The following SCN7A variants were observed in gnomAD, a reference collection of about 807,000 sequenced individuals.
SCN7A encodes the protein sodium channel protein type 7 subunit alpha.
SCN7A carries 138 observed loss-of-function variants against 155.2 expected under a neutral mutation model. That is an observed-to-expected ratio of 0.89 (90% CI 0.77 to 1.02). The LOEUF (loss-of-function observed/expected upper bound fraction) is 1.02, where lower values mean the gene tolerates loss of function less well. Ranked by LOEUF, SCN7A falls within the 50% of genes least tolerant of loss-of-function variation. The pLI, the probability that SCN7A is intolerant of heterozygous loss-of-function variation, is 0.00. For synonymous variants in SCN7A, 693 were observed against 649.0 expected, an observed-to-expected ratio of 1.07 and a Z score of -1.03; for missense variants, 2,058 against 1,986.6, an observed-to-expected ratio of 1.04 and a Z score of -0.68.
At chr2:166,481,960 G>T (rs1219703654) in intron 2 of SCN7A, among the ~76,000 whole-genome samples, 1 of 152,100 alleles carries the variant, frequency 6.6e-6, no homozygotes, top group Non-Finnish European at 1.5e-5. Flanking sequence ...AAATGAAATG[G>T]GTTGGTTTGG....
chr2:166,470,306 C>G (rs957925840), intron 7 of SCN7A, among the ~76,000 whole-genome samples: 1 of 151,780 alleles, frequency 6.6e-6, no homozygotes, highest in African/African-American at 2.4e-5. Context: ...ACCACTATTT[C>G]TCTCAGAAGT....
Position 166,432,630 on chromosome 2 carries a change from G to T in SCN7A, c.2280C>A (p.Asn760Lys). 1 of 1,611,500 alleles carries T rather than the reference G, an allele frequency of 6.2e-7. No homozygotes were observed. Among genetic ancestry groups the T allele is most frequent in the Non-Finnish European group, 8.5e-7 (1 of 1,179,150 alleles). The change falls in exon 16 of 26, where the codon AAC becomes AAA. Residue 760 changes from asparagine (N) to lysine (K), a missense_variant. By Grantham distance (94) the Asn-to-Lys change is moderately conservative (BLOSUM62 0). Coordinates refer to ENST00000643258, the MANE Select transcript of SCN7A (RefSeq NM_002976.4). ...LAVARIKKGI[N>K]YVLLKILCKT... ...TGCATAGTATTTTAAGAAGCACATA[G>T]TTTATTCCTTTTTTAATTCTTGCCA... is the stretch of plus-strand genomic sequence containing the variant.
intron 20 of SCN7A, 59 bp from the exon 21 acceptor site, chr2:166,417,044 G>T: frequency 7.6e-7 from 1 of 1,317,528 alleles, no homozygotes; most frequent in Non-Finnish European, 1.0e-6. Context: ...TTTAGTTTTT[G>T]ATCAGTTTGA....
chr2:166,424,686 A>G (rs561692399), intron 18 of SCN7A, among the ~76,000 whole-genome samples: 30 of 152,022 alleles, frequency 2.0e-4, no homozygotes, highest in Non-Finnish European at 3.8e-4. Context: ...GAAGATTTAG[A>G]AAAAAAAGCA....
rs1462663676 is a variant in SCN7A, at chr2:166,474,350, A to G, written c.235-6T>C. 7.5e-6 allele frequency: 10 copies of G among 1,330,344 alleles called. No individual in the cohort carries two copies. The highest frequency in any genetic ancestry group is 4.5e-4 in the Middle Eastern group (2 of 4,476). 82.4% of individuals were successfully genotyped at this position (1,330,344 alleles called of 1,614,324 possible). ...TTATTTAATACTATGAAAGTCTGTA[A>G]GAAGAAAAGCGATCAAGTGAAATTA... On this transcript the variant is annotated splice_region_variant and splice_polypyrimidine_tract_variant and intron_variant, in intron 3 of 25. Coordinates refer to ENST00000643258, the MANE Select transcript of SCN7A (RefSeq NM_002976.4).
chr2:166,434,338 G>C (rs1409433218), intron 15 of SCN7A, among the ~76,000 whole-genome samples: 1 of 152,064 alleles, frequency 6.6e-6, no homozygotes, highest in African/African-American at 2.4e-5. Flanking sequence ...CTTATCCATA[G>C]TTTTAGCATA....
rs1321495546 is a variant in SCN7A at position 166,465,695 on chromosome 2, T to A, written c.871+86A>T. On this transcript the variant is annotated intron_variant, in intron 8 of 25. Coordinates refer to ENST00000643258, the MANE Select transcript of SCN7A (RefSeq NM_002976.4). ...CAGCGCCTTTGGGAATCTAACAAAA[T>A]GTTGAGTGTTCAACATTTCTGGGAA... The A allele has an allele frequency of 1.1e-5, 16 of 1,431,936 alleles. No homozygotes were observed. The Admixed American group carries it at 1.6e-4, about 14-fold the overall frequency. The allele number at this position is 1,431,936 out of a possible 1,614,324, so 88.7% of individuals were successfully genotyped here. A position where few individuals can be genotyped will look rare whatever the true frequency, so the allele number is the denominator to read the frequency against.
At position 166,472,379 on chromosome 2, in the gene SCN7A, T is replaced by C. The variant is rs767350994; in HGVS notation, c.510A>G (p.Ala170=). Residue 170 remains alanine, a synonymous_variant, in exon 6 of 26, where the codon GCA becomes GCG. Transcript: ENST00000643258. Reference sequence around the variant, plus strand: ...GATCACCGAGGAAGGAAAATGATCCTGCCCAGACACCTCTTGCAAAGAGTT... The same window carrying C: ...GATCACCGAGGAAGGAAAATGATCCCGCCCAGACACCTCTTGCAAAGAGTT... ...LVKLFARGVW[A]GSFSFLGDPW... The C allele has an allele frequency of 6.2e-7, 1 of 1,608,810 alleles. No individual in the cohort carries two copies. Among genetic ancestry groups the C allele is most frequent in the Non-Finnish European group, 8.5e-7 (1 of 1,176,700 alleles).
At position 166,457,492 on chromosome 2, in the gene SCN7A, A is replaced by AT. The variant is rs112201996; in HGVS notation, c.1084-417dup. On this transcript the variant is annotated intron_variant, in intron 10 of 25. Transcript: ENST00000643258. The stretch of plus-strand genomic sequence containing the variant: ...TAATGAAGTCAGAGAATGTTTGGAG[A>AT]TTTTTTTTTTCTGATTATTACTTTA... Among the ~76,000 whole-genome samples, 317 of 151,268 alleles carry AT rather than the reference A, an allele frequency of 2.1e-3. 1 individual carries two copies. Among genetic ancestry groups the AT allele is most frequent in the African/African-American group, 7.3e-3 (301 of 41,236 alleles).
intron 25 of SCN7A, among the ~76,000 whole-genome samples, chr2:166,407,321 G>A (rs1022080319): frequency 6.6e-6 from 1 of 151,906 alleles, no homozygotes; most frequent in African/African-American, 2.4e-5. Context: ...ATTAACACAA[G>A]AACTATAAAA....
At chr2:166,491,754 G>A (rs1387445016) in intron 1 of SCN7A, among the ~76,000 whole-genome samples, 1 of 151,442 alleles carries the variant, frequency 6.6e-6, no homozygotes, top group Non-Finnish European at 1.5e-5. Context: ...AGTGGGGGTG[G>A]GGGTGGGCAG....
intron 15 of SCN7A, 109 bp downstream of exon 15, chr2:166,441,287 T>C (rs915160709): frequency 6.9e-6 from 5 of 727,118 alleles, no homozygotes; most frequent in African/African-American, 1.8e-5. Flanking sequence ...GGTTACTCTA[T>C]TGGACTACCA....
At position 166,409,829 on chromosome 2, in the gene SCN7A, T is replaced by C; in HGVS notation, c.3818A>G (p.Asp1273Gly). The C allele has an allele frequency of 6.4e-7, 1 of 1,572,324 alleles. No individual in the cohort carries two copies. The highest frequency in any genetic ancestry group is 1.2e-5 in the South Asian group (1 of 85,864). ...AATGGACATTTGTAGACTCTGAACATCAGTGTCTATCATCATGGCTATTGC... is the reference window on the plus strand; with the variant it reads ...AATGGACATTTGTAGACTCTGAACACCAGTGTCTATCATCATGGCTATTGC... ...FQAIAMMIDT[D>G]VQSLQMSIAL... The change falls in exon 25 of 26, where the codon GAT becomes GGT. Residue 1273 changes from aspartate to glycine, a missense_variant. Transcript: ENST00000643258.
In SCN7A at chr2:166,441,759, G is replaced by C; in HGVS notation, c.1801-7C>G. 3 of 1,578,116 alleles carry C rather than the reference G, an allele frequency of 1.9e-6. No individual in the cohort carries two copies. Among genetic ancestry groups the C allele is most frequent in the Non-Finnish European group, 2.6e-6 (3 of 1,163,196 alleles). ...CCAACTTGAAAATTCTTAACTAATA[G>C]AGCAATGTAAAATCAAGAACAAGAA... On this transcript the variant is annotated splice_region_variant and splice_polypyrimidine_tract_variant and intron_variant, in intron 14 of 25. Coordinates refer to ENST00000643258, the MANE Select transcript of SCN7A (RefSeq NM_002976.4).
At chr2:166,420,706 A>T (rs1701492854) in intron 20 of SCN7A, among the ~76,000 whole-genome samples, 1 of 152,046 alleles carries the variant, frequency 6.6e-6, no homozygotes, top group African/African-American at 2.4e-5. Context: ...AGTGATGAAG[A>T]CAGGAGAGGT....
chr2:166,432,669 AT>A lies in SCN7A; in HGVS notation c.2240del (p.Asn747IlefsTer13). 6.2e-7 allele frequency: 1 copy of A among 1,606,844 alleles called. No individual in the cohort carries two copies. The highest frequency in any genetic ancestry group is 8.5e-7 in the Non-Finnish European group (1 of 1,177,836). On this transcript the variant is annotated frameshift_variant, in exon 16 of 26. Transcript: ENST00000643258. LOFTEE classifies it high-confidence loss of function. ...TAATTCTTGCCACTGCAAGCTGGAGATTTTTTGCTTCATTATTCTCTTCAGC... is the reference window on the plus strand; with the variant it reads ...TAATTCTTGCCACTGCAAGCTGGAGATTTTTGCTTCATTATTCTCTTCAGC... Reference protein sequence around the residue: ...VTAEENNEAKNLQLAVARIKK... With the variant: ...VTAEENNEAKXLQLAVARIKK...
At chr2:166,432,205 A>G (rs1297284145) in intron 16 of SCN7A, 113 bp downstream of exon 16, 1 of 735,682 alleles carries the variant, frequency 1.4e-6, no homozygotes, top group Non-Finnish European at 2.2e-6. Context: ...GCTAGGAGTG[A>G]TGGAGTTAGA....
At chr2:166,465,587 T>A in intron 8 of SCN7A, 56 bp from the exon 9 acceptor site, 1 of 1,359,454 alleles carries the variant, frequency 7.4e-7, no homozygotes, top group Non-Finnish European at 1.0e-6. Context: ...AGCACCACAG[T>A]AGAAGTCCAT....
chr2:166,492,059 A>G (rs1035065180), intron 1 of SCN7A, among the ~76,000 whole-genome samples: 17 of 152,052 alleles, frequency 1.1e-4, no homozygotes, highest in Admixed American at 2.6e-4. Flanking sequence ...ACAGGTATTT[A>G]TCCTACTTTG....
Sources: gnomAD v4.1 joint callset for allele counts (sites outside exome capture counted in the v4.1 genomes callset) on GRCh38, gnomAD v4.1.1 for gene constraint, MANE v1.5 for transcripts, NCBI Gene and HGNC (gene_info 2026-07-23, HGNC 2026-07-21) for gene names.